RGS22: variants seen among roughly 807,000 people sequenced by gnomAD.
RGS22 encodes regulator of G-protein signaling 22.
In RGS22, 148 loss-of-function variants were observed where a neutral mutation model predicts 172.9. The ratio of observed to expected loss-of-function variants is 0.86; its 90% CI spans 0.75 to 0.98. RGS22 has a LOEUF of 0.98. Ranked by LOEUF, RGS22 falls within the 50% of genes least tolerant of loss-of-function variation. The pLI, the probability that RGS22 is intolerant of heterozygous loss-of-function variation, is 0.00. For synonymous variants in RGS22, 458 were observed against 480.2 expected, an observed-to-expected ratio of 0.95 and a Z score of 0.60; for missense variants, 1,347 against 1,440.8, an observed-to-expected ratio of 0.93 and a Z score of 1.05.
At chr8:99,995,310 A>G (rs1047628850) in intron 20 of RGS22, among the ~76,000 whole-genome samples, 14 of 152,238 alleles carry the variant, frequency 9.2e-5, no homozygotes, top group Non-Finnish European at 1.9e-4. Context: ...AAAAGAAACT[A>G]CCATCAGAGT....
intron 2 of RGS22, among the ~76,000 whole-genome samples, chr8:100,101,959 C>T (rs1197746721): frequency 1.3e-5 from 2 of 152,072 alleles, no homozygotes; most frequent in Non-Finnish European, 2.9e-5. Context: ...AATCATAAGG[C>T]ATTGTGGCTT....
At chr8:100,099,125 A>G (rs1813264604) in intron 2 of RGS22, among the ~76,000 whole-genome samples, 1 of 152,024 alleles carries the variant, frequency 6.6e-6, no homozygotes, top group Non-Finnish European at 1.5e-5. Flanking sequence ...CATGTTGGCC[A>G]GGATGGTCTG....
intron 14 of RGS22, among the ~76,000 whole-genome samples, chr8:100,025,003 TATAA>T (rs71572051): frequency 1.4e-3 from 207 of 147,344 alleles, no homozygotes; most frequent in South Asian, 8.4e-3. Flanking sequence ...AAAGAGGATC[TATAA>T]ATAAATAAAT....
intron 14 of RGS22, among the ~76,000 whole-genome samples, chr8:100,029,432 T>C (rs780684227): frequency 2.6e-4 from 40 of 152,144 alleles, no homozygotes; most frequent in Non-Finnish European, 4.7e-4. Context: ...CCAAGCATGG[T>C]GGCTCATGCC....
At chr8:100,087,596 T>C (rs1812259732) in intron 3 of RGS22, among the ~76,000 whole-genome samples, 1 of 152,178 alleles carries the variant, frequency 6.6e-6, no homozygotes, top group Non-Finnish European at 1.5e-5. Context: ...ATTATTTAGC[T>C]GAACAGTATT....
intron 20 of RGS22, among the ~76,000 whole-genome samples, chr8:99,988,293 C>A (rs1457259119): frequency 2.6e-5 from 4 of 151,808 alleles, no homozygotes; most frequent in African/African-American, 7.3e-5. Flanking sequence ...GCTAGAAGCA[C>A]CCATGGCATT....
intron 2 of RGS22, among the ~76,000 whole-genome samples, chr8:100,104,765 C>T (rs1353772316): frequency 1.3e-5 from 2 of 152,186 alleles, no homozygotes; most frequent in African/African-American, 4.8e-5. Flanking sequence ...TGGAATCAGA[C>T]TCAGATCTTG....
intron 2 of RGS22, among the ~76,000 whole-genome samples, chr8:100,096,077 A>G (rs185868780): frequency 3.9e-5 from 6 of 152,298 alleles, no homozygotes; most frequent in Admixed American, 3.9e-4. Context: ...AGTCTTGTAA[A>G]CCCATGAGTA....
intron 6 of RGS22, among the ~76,000 whole-genome samples, chr8:100,068,594 T>C (rs1810712294): frequency 6.6e-6 from 1 of 152,160 alleles, no homozygotes; most frequent in African/African-American, 2.4e-5. Context: ...TATGAGTACA[T>C]ATTTTTTAGG....
intron 10 of RGS22, among the ~76,000 whole-genome samples, chr8:100,051,654 TATAA>T (rs1289973336): frequency 1.8e-5 from 1 of 55,610 alleles, no homozygotes; most frequent in African/African-American, 7.7e-5. Context: ...TTTATACATA[TATAA>T]ATATATATTT....
intron 23 of RGS22, among the ~76,000 whole-genome samples, chr8:99,974,905 T>C (rs890226518): frequency 6.6e-6 from 1 of 151,952 alleles, no homozygotes; most frequent in Non-Finnish European, 1.5e-5. Flanking sequence ...CCCAGCACTT[T>C]GGGAGGCCAA....
Position 100,041,806 on chromosome 8 carries a change from G to C in RGS22, c.1934C>G (p.Pro645Arg), listed in dbSNP as rs183939678. ...TTCAGTCCTCAAAACACTCACCCTA[G>C]GTTCTTCTGTATAAGCGTATCTTCT... ...LDRRYAYTEE[P>R]RVKTVSDVGA... is the part of the protein sequence containing the mutation. Residue 645 changes from proline (P) to arginine (R), a missense_variant, in exon 12 of 28, where the codon CCT (proline) becomes CGT (arginine). Pro to Arg is a moderately radical substitution (Grantham distance 103). Transcript: ENST00000360863. The C allele has an allele frequency of 2.2e-4, 353 of 1,581,510 alleles. No individual in the cohort carries two copies. The Admixed American group carries it at 5.8e-3, about 26-fold the overall frequency.
At chr8:100,037,302 T>G (rs914078049) in intron 14 of RGS22, among the ~76,000 whole-genome samples, 1 of 152,088 alleles carries the variant, frequency 6.6e-6, no homozygotes, top group African/African-American at 2.4e-5. Flanking sequence ...TCTAAAAAAG[T>G]AAATAAATAA....
chr8:99,964,153 A>G (rs959908350), intron 24 of RGS22, among the ~76,000 whole-genome samples: 1 of 152,092 alleles, frequency 6.6e-6, no homozygotes, highest in Non-Finnish European at 1.5e-5. Flanking sequence ...GATAATACTG[A>G]CTTGTGATAA....
chr8:100,101,637 C>T (rs913513025), intron 2 of RGS22, among the ~76,000 whole-genome samples: 6 of 151,716 alleles, frequency 4.0e-5, no homozygotes, highest in Non-Finnish European at 7.4e-5. Flanking sequence ...TCACTTTAAA[C>T]TTTCTCAATG....
chr8:100,086,924 GCC>G (rs1458032944), intron 3 of RGS22, among the ~76,000 whole-genome samples: 3 of 152,070 alleles, frequency 2.0e-5, no homozygotes, highest in Non-Finnish European at 2.9e-5. Flanking sequence ...AAACTGCAAA[GCC>G]ACATTCTGTT....
intron 23 of RGS22, among the ~76,000 whole-genome samples, chr8:99,974,368 G>C (rs1274489712): frequency 6.6e-6 from 1 of 152,004 alleles, no homozygotes; most frequent in Non-Finnish European, 1.5e-5. Context: ...TAAATGTTTG[G>C]TTAAATAACC....
At position 100,004,010 on chromosome 8, in the gene RGS22, T is replaced by C. The variant is rs1035784638; in HGVS notation, c.2543A>G (p.Tyr848Cys). The change falls in exon 17 of 28, where the codon TAC (tyrosine) becomes TGC (cysteine). Residue 848 changes from tyrosine to cysteine, a missense_variant. Coordinates refer to ENST00000360863, the MANE Select transcript of RGS22 (RefSeq NM_015668.5). ...CAGATCACTAAACTTAAAATGCTTGTATTCTGCAGGAACATTATCCCAATA... is the reference window on the plus strand; with the variant it reads ...CAGATCACTAAACTTAAAATGCTTGCATTCTGCAGGAACATTATCCCAATA... Reference protein sequence around the residue: ...TEYWDNVPAEYKHFKFSDLLN... With the variant: ...TEYWDNVPAECKHFKFSDLLN... 1.2e-6 allele frequency: 2 copies of C among 1,612,622 alleles called. No individual in the cohort carries two copies. The highest frequency in any genetic ancestry group is 8.5e-7 in the Non-Finnish European group (1 of 1,179,174).
chr8:99,981,253 G>A (rs1282737650), intron 22 of RGS22, among the ~76,000 whole-genome samples: 3 of 152,128 alleles, frequency 2.0e-5, no homozygotes, highest in Non-Finnish European at 4.4e-5. Context: ...AGTAACTTGA[G>A]CAGGTTAACA....
Sources: allele counts gnomAD v4.1 joint callset (sites outside exome capture counted in the v4.1 genomes callset), GRCh38; gene constraint gnomAD v4.1.1; transcripts MANE v1.5; gene names NCBI Gene and HGNC (gene_info 2026-07-23, HGNC 2026-07-21).